TCP10L: variants seen among roughly 807,000 people sequenced by gnomAD.
TCP10L encodes the protein T-complex protein 10A homolog 1.
A neutral mutation model predicts 19.2 loss-of-function variants in TCP10L; 11 were observed. The ratio of observed to expected loss-of-function variants is 0.57; its 90% CI spans 0.36 to 0.95. The LOEUF is 0.95. Ranked by LOEUF, TCP10L falls within the 40% of genes least tolerant of loss-of-function variation. The pLI, the probability that TCP10L is intolerant of heterozygous loss-of-function variation, is 0.01. For missense variants in TCP10L, 247 were observed against 263.9 expected, an observed-to-expected ratio of 0.94 and a Z score of 0.44; for synonymous variants, 96 against 97.2, an observed-to-expected ratio of 0.99 and a Z score of 0.07.
intron 1 of TCP10L, among the ~76,000 whole-genome samples, chr21:32,585,064 T>C (rs1415543919): frequency 1.3e-5 from 2 of 152,326 alleles, no homozygotes; most frequent in African/African-American, 2.4e-5. Context: ...AGGAAGCCAG[T>C]GGCCCCCAAC....
chr21:32,582,148 G>A lies in TCP10L; in HGVS notation c.360+52C>T, dbSNP rs748479769. 2.9e-5 allele frequency: 46 copies of A among 1,588,124 alleles called. No individual in the cohort carries two copies. The highest frequency in any genetic ancestry group is 1.7e-4 in the Middle Eastern group (1 of 5,936). On this transcript the variant is annotated intron_variant, in intron 3 of 4. Coordinates refer to ENST00000300258, the MANE Select transcript of TCP10L (RefSeq NM_144659.7). This position sits in a 1 kb window ranked among gnomAD's most constrained non-coding sequence, Gnocchi z 4.2. ...ATAAAGCCCACATCTTTATGGGGACGCTATTTTTACATAACGCAAACGGTA... is the reference window on the plus strand; with the variant it reads ...ATAAAGCCCACATCTTTATGGGGACACTATTTTTACATAACGCAAACGGTA...
Position 32,576,196 on chromosome 21 carries a change from C to T in TCP10L, c.*578G>A. ...TCACGGGGAGCATAGAAACAGGAGT[C>T]CCCAACTCTGCTCACCAGCTCCTCC... On this transcript the variant is annotated 3_prime_UTR_variant, in exon 5 of 5. Coordinates refer to ENST00000300258, the MANE Select transcript of TCP10L (RefSeq NM_144659.7). 5.1e-6 allele frequency: 7 copies of T among 1,384,248 alleles called. No individual in the cohort carries two copies. Among genetic ancestry groups the T allele is most frequent in the Non-Finnish European group, 7.0e-6 (7 of 998,498 alleles). 85.7% of individuals were successfully genotyped at this position (1,384,248 alleles called of 1,614,324 possible).
rs772355684 is a variant in TCP10L at position 32,576,929 on chromosome 21, A to G, written c.499-6T>C. 8.7e-6 allele frequency: 14 copies of G among 1,605,382 alleles called. 1 individual carries two copies. The highest frequency in any genetic ancestry group is 5.9e-6 in the Non-Finnish European group (7 of 1,178,008). Reference sequence around the variant, plus strand: ...TCTATCTTTAAACTCATTGGCTGAAAACAAATGTGGGAATATTTTTGCATT... The same window carrying G: ...TCTATCTTTAAACTCATTGGCTGAAGACAAATGTGGGAATATTTTTGCATT... On this transcript the variant is annotated splice_region_variant and splice_polypyrimidine_tract_variant and intron_variant, in intron 4 of 4. Transcript: ENST00000300258.
intron 2 of TCP10L, among the ~76,000 whole-genome samples, 162 bp downstream of exon 2, chr21:32,583,999 A>G (rs999862849): frequency 4.0e-4 from 61 of 151,932 alleles, no homozygotes; most frequent in African/African-American, 1.4e-3. Flanking sequence ...GCAGAGGGGG[A>G]AAGAGCCACA....
chr21:32,584,500 G>T (rs2038536343), intron 1 of TCP10L, among the ~76,000 whole-genome samples, 195 bp from the exon 2 acceptor site: 1 of 152,164 alleles, frequency 6.6e-6, no homozygotes, highest in African/African-American at 2.4e-5. Context: ...GGACTGAGCT[G>T]TCCACACCTG....
rs748566424 is a variant in TCP10L at position 32,576,892 on chromosome 21, G to A, written c.530C>T (p.Ser177Leu). 12 of 1,613,874 alleles carry A rather than the reference G, an allele frequency of 7.4e-6. No homozygotes were observed. Among genetic ancestry groups the A allele is most frequent in the South Asian group, 2.2e-5 (2 of 90,946 alleles). The change falls in exon 5 of 5, where the codon TCG becomes TTG. Residue 177 changes from serine to leucine, a missense_variant. Coordinates refer to ENST00000300258, the MANE Select transcript of TCP10L (RefSeq NM_144659.7). Reference protein sequence around the residue: ...PMSLKIERISSWKTPPQENRD... With the variant: ...PMSLKIERISLWKTPPQENRD... ...ATTTTCCTGTGGTGGTGTTTTCCAC[G>A]AGCTAATTCTTTCTATCTTTAAACT...
chr21:32,583,545 C>T (rs936865444), intron 2 of TCP10L, among the ~76,000 whole-genome samples: 21 of 146,616 alleles, frequency 1.4e-4, no homozygotes, highest in African/African-American at 4.9e-4. Flanking sequence ...GCCGAGATCC[C>T]GCCACTGCAC....
At position 32,576,747 on chromosome 21, in the gene TCP10L, C is replaced by T; in HGVS notation, c.*27G>A. The T allele has an allele frequency of 6.2e-7, 1 of 1,609,152 alleles. No individual in the cohort carries two copies. The highest frequency in any genetic ancestry group is 1.1e-5 in the South Asian group (1 of 89,690). Reference sequence around the variant, plus strand: ...TCCAAGGGGCCAGTGTAGAGTGACACAGGTGTCCGAGGCCACCTTTCCATC... The same window carrying T: ...TCCAAGGGGCCAGTGTAGAGTGACATAGGTGTCCGAGGCCACCTTTCCATC... On this transcript the variant is annotated 3_prime_UTR_variant, in exon 5 of 5. Coordinates refer to ENST00000300258, the MANE Select transcript of TCP10L (RefSeq NM_144659.7).
chr21:32,582,499 G>A lies in TCP10L; in HGVS notation c.145-84C>T, dbSNP rs2038507079. On this transcript the variant is annotated intron_variant, in intron 2 of 4. Transcript: ENST00000300258. The surrounding 1 kb of genome is among the most constrained non-coding windows in gnomAD (Gnocchi z 4.2). ...TCTGCAAAATACTCAAGCCCTCTCT[G>A]ATGTAAGACCAACACTATTTCTGGA... 1.6e-6 allele frequency: 2 copies of A among 1,268,840 alleles called. No individual in the cohort carries two copies. The highest frequency in any genetic ancestry group is 2.2e-6 in the Non-Finnish European group (2 of 907,370). The allele number at this position is 1,268,840 out of a possible 1,614,324, so 78.6% of individuals were successfully genotyped here.
At chr21:32,581,654 C>T (rs964878293) in intron 3 of TCP10L, among the ~76,000 whole-genome samples, 3 of 152,108 alleles carry the variant, frequency 2.0e-5, no homozygotes, top group Non-Finnish European at 4.4e-5. Flanking sequence ...GCACACCCTG[C>T]GAGGGGGACA....
At position 32,578,766 on chromosome 21, in the gene TCP10L, G is replaced by A. The variant is rs143003008; in HGVS notation, c.426C>T (p.Tyr142=). ...LSADEETIPK[Y]AGHKNQSATL... is the part of the protein sequence containing the mutation. ...TGGCACTCTGATTCTTGTGGCCAGC[G>A]TATTTGGGTATTGTCTCTTCATCAG... Residue 142 remains tyrosine, a synonymous_variant, in exon 4 of 5, where the codon TAC becomes TAT. Transcript: ENST00000300258. This position sits in a 1 kb window ranked among gnomAD's most constrained non-coding sequence, Gnocchi z 4.2. 2.1e-5 allele frequency: 34 copies of A among 1,614,050 alleles called. No individual in the cohort carries two copies. The highest frequency in any genetic ancestry group is 1.5e-4 in the African/African-American group (11 of 74,920).
rs555278654 is a variant in TCP10L, at chr21:32,576,147, G to A, written c.*627C>T. 10 of 950,226 alleles carry A rather than the reference G, an allele frequency of 1.1e-5. No individual in the cohort carries two copies. Among genetic ancestry groups the A allele is most frequent in the Middle Eastern group, 3.4e-4 (1 of 2,962 alleles). The allele number at this position is 950,226 out of a possible 1,614,324, so 58.9% of individuals were successfully genotyped here. On this transcript the variant is annotated 3_prime_UTR_variant, in exon 5 of 5. Transcript: ENST00000300258. Reference sequence around the variant, plus strand: ...CCATAGTAAGATGTTCTGCTCACGCGTATCCACGAGAAAGCCCCGCATTTC... The same window carrying A: ...CCATAGTAAGATGTTCTGCTCACGCATATCCACGAGAAAGCCCCGCATTTC...
intron 2 of TCP10L, among the ~76,000 whole-genome samples, chr21:32,583,843 A>ATGAT: frequency 6.6e-6 from 1 of 152,334 alleles, no homozygotes; most frequent in East Asian, 1.9e-4. Flanking sequence ...ACTTGCTGGG[A>ATGAT]TGATGTGAGG....
Position 32,575,058 on chromosome 21 carries a change from C to T in TCP10L, c.*1716G>A, listed in dbSNP as rs374327123. 1 of 152,194 alleles carries T rather than the reference C, an allele frequency of 6.6e-6. No individual in the cohort carries two copies. Among genetic ancestry groups the T allele is most frequent in the Admixed American group, 6.5e-5 (1 of 15,278 alleles). The allele number at this position is 152,194 out of a possible 1,614,324, so 9.4% of individuals were successfully genotyped here. Reference sequence around the variant, plus strand: ...GGCCACGGGCCATTGTGAAGGAGCACCACAGGCTTCCAGGAGAGCCAGGAG... The same window carrying T: ...GGCCACGGGCCATTGTGAAGGAGCATCACAGGCTTCCAGGAGAGCCAGGAG... On this transcript the variant is annotated 3_prime_UTR_variant, in exon 5 of 5. Coordinates refer to ENST00000300258, the MANE Select transcript of TCP10L (RefSeq NM_144659.7).
In TCP10L at chr21:32,582,069, A is replaced by G; in HGVS notation, c.360+131T>C. 9.8e-7 allele frequency: 1 copy of G among 1,022,996 alleles called. No homozygotes were observed. Among genetic ancestry groups the G allele is most frequent in the Non-Finnish European group, 1.5e-6 (1 of 687,238 alleles). 63.4% of individuals were successfully genotyped at this position (1,022,996 alleles called of 1,614,324 possible). Reference sequence around the variant, plus strand: ...CTTACGGGAAATGGAGTTGATGGAAAGATAGCAACCCCTCCCACCACCCGG... The same window carrying G: ...CTTACGGGAAATGGAGTTGATGGAAGGATAGCAACCCCTCCCACCACCCGG... On this transcript the variant is annotated intron_variant, in intron 3 of 4. Coordinates refer to ENST00000300258, the MANE Select transcript of TCP10L (RefSeq NM_144659.7). This position sits in a 1 kb window ranked among gnomAD's most constrained non-coding sequence, Gnocchi z 4.2.
rs553731396 is a variant in TCP10L at position 32,583,311 on chromosome 21, C to T, written c.144+850G>A. On this transcript the variant is annotated intron_variant, in intron 2 of 4. Coordinates refer to ENST00000300258, the MANE Select transcript of TCP10L (RefSeq NM_144659.7). ...TAGTTTAAAAATTATGGAAGCCGGC[C>T]GGGCGCGGTGGCTCACGCCTGTAAT... is the stretch of plus-strand genomic sequence containing the variant. Among the ~76,000 whole-genome samples the T allele has an allele frequency of 1.8e-4, 27 of 152,002 alleles. 1 individual carries two copies. The highest frequency in any genetic ancestry group is 4.8e-4 in the African/African-American group (20 of 41,496).
chr21:32,583,024 CTTTTTTTTTTT>C (rs59972145), intron 2 of TCP10L, among the ~76,000 whole-genome samples: 3 of 94,810 alleles, frequency 3.2e-5, no homozygotes, highest in African/African-American at 1.3e-4. Flanking sequence ...CATTCTTTTC[CTTTTTTTTTTT>C]TTTTTTTTTT....
At chr21:32,581,950 T>C (rs2038499061) in intron 3 of TCP10L, among the ~76,000 whole-genome samples, 1 of 152,186 alleles carries the variant, frequency 6.6e-6, no homozygotes, top group Non-Finnish European at 1.5e-5. Context: ...CTTAGAATTC[T>C]GGACTTGAGA....
chr21:32,582,118 C>A lies in TCP10L; in HGVS notation c.360+82G>T. 1 of 1,491,016 alleles carries A rather than the reference C, an allele frequency of 6.7e-7. No homozygotes were observed. Among genetic ancestry groups the A allele is most frequent in the Admixed American group, 1.9e-5 (1 of 53,924 alleles). 92.4% of individuals were successfully genotyped at this position (1,491,016 alleles called of 1,614,324 possible). ...GGAGCGTGAGTGATACCGCGTCATTCAGCAATAAAGCCCACATCTTTATGG... is the reference window on the plus strand; with the variant it reads ...GGAGCGTGAGTGATACCGCGTCATTAAGCAATAAAGCCCACATCTTTATGG... On this transcript the variant is annotated intron_variant, in intron 3 of 4. Coordinates refer to ENST00000300258, the MANE Select transcript of TCP10L (RefSeq NM_144659.7). The surrounding 1 kb of genome is among the most constrained non-coding windows in gnomAD (Gnocchi z 4.2).
Sources: allele counts gnomAD v4.1 joint callset (sites outside exome capture counted in the v4.1 genomes callset), GRCh38; gene constraint gnomAD v4.1.1; non-coding constraint Gnocchi (gnomAD v3.1); transcripts MANE v1.5; gene names NCBI Gene and HGNC (gene_info 2026-07-23, HGNC 2026-07-21).